Variants in ADAM19 observed in about 807,000 individuals in gnomAD.
ADAM19 encodes the protein disintegrin and metalloproteinase domain-containing protein 19.
A neutral mutation model predicts 114.7 loss-of-function variants in ADAM19; 65 were observed. The observed-to-expected ratio is 0.57, with a 90% CI of 0.46 to 0.70. The LOEUF is 0.70. Among genes scored for constraint, ADAM19 ranks in the 30% least tolerant of loss-of-function variants. ADAM19 has a pLI of 0.00. For missense variants in ADAM19, 1,063 were observed against 1,204.7 expected, an observed-to-expected ratio of 0.88 and a Z score of 1.74; for synonymous variants, 466 against 460.5, an observed-to-expected ratio of 1.01 and a Z score of -0.15.
At chr5:157,522,979 AGGCACTGT>A (rs1482891956) in intron 5 of ADAM19, among the ~76,000 whole-genome samples, 1 of 152,196 alleles carries the variant, frequency 6.6e-6, no homozygotes, top group Non-Finnish European at 1.5e-5. Flanking sequence ...ACTGGATGCC[AGGCACTGT>A]GTTTACAAAT....
At chr5:157,518,916 T>C in intron 6 of ADAM19, 28 bp from the exon 7 acceptor site, 1 of 1,589,586 alleles carries the variant, frequency 6.3e-7, no homozygotes, top group Non-Finnish European at 8.6e-7. Flanking sequence ...ATCAGCGCTG[T>C]AGAAATAGTG....
At chr5:157,532,662 T>C (rs1017273521) in intron 4 of ADAM19, among the ~76,000 whole-genome samples, 3 of 152,114 alleles carry the variant, frequency 2.0e-5, no homozygotes, top group Admixed American at 6.5e-5. Flanking sequence ...CATGGAAGCT[T>C]TCTCTTTTCC....
intron 14 of ADAM19, 82 bp downstream of exon 14, chr5:157,496,812 T>C (rs1755380076): frequency 3.7e-6 from 5 of 1,339,956 alleles, no homozygotes; most frequent in Non-Finnish European, 5.0e-6. Context: ...GAAGCCAAGA[T>C]TCCAAACTAC....
In ADAM19 at chr5:157,502,979, G is replaced by T; in HGVS notation, c.1132C>A (p.His378Asn). 6.2e-7 allele frequency: 1 copy of T among 1,613,456 alleles called. No homozygotes were observed. ...CCATTGAACACTTTGGGAAAGGGGT[G>T]CCTGGCAGAGGACAAGGCTGGAATT... The part of the protein sequence containing the change: ...GGCIMAAATG[H>N]PFPKVFNGCN... The change falls in exon 12 of 23, where the codon CAC becomes AAC. Residue 378 changes from histidine (H) to asparagine (N), a missense_variant and splice_region_variant. By Grantham distance (68) the His-to-Asn change is moderately conservative. Around this residue, in one of 3 missense-constraint regions of ADAM19, gnomAD observed 615 missense variants for 706.3 expected, o/e 0.87. Coordinates refer to ENST00000257527, the MANE Select transcript of ADAM19 (RefSeq NM_033274.5).
At position 157,492,966 on chromosome 5, in the gene ADAM19, G is replaced by A; in HGVS notation, c.1908+7C>T. 3 of 1,614,048 alleles carry A rather than the reference G, an allele frequency of 1.9e-6. No individual in the cohort carries two copies. Among genetic ancestry groups the A allele is most frequent in the African/African-American group, 1.3e-5 (1 of 75,038 alleles). On this transcript the variant is annotated splice_region_variant and intron_variant, in intron 16 of 22. Coordinates refer to ENST00000257527, the MANE Select transcript of ADAM19 (RefSeq NM_033274.5). ...TGGCTCCTAGGTGAGCAGGGGAGGGGACTCACATGGTTGTAGCCACACTTG... is the reference window on the plus strand; with the variant it reads ...TGGCTCCTAGGTGAGCAGGGGAGGGAACTCACATGGTTGTAGCCACACTTG...
Position 157,499,627 on chromosome 5 carries a change from A to G in ADAM19, c.1344T>C (p.Cys448=). The G allele has an allele frequency of 6.2e-7, 1 of 1,613,336 alleles. No individual in the cohort carries two copies. ...CNNPCCNASN[C]TLRPGAECAH... ...CACACTCCGCCCCCGGCCTCAGGGT[A>G]CAATTAGAGGCATTGCAGCAGGGGT... The change falls in exon 13 of 23, where the codon TGT becomes TGC. Residue 448 remains cysteine, a synonymous_variant. Coordinates refer to ENST00000257527, the MANE Select transcript of ADAM19 (RefSeq NM_033274.5).
At chr5:157,503,157 G>A (rs1755622133) in intron 11 of ADAM19, among the ~76,000 whole-genome samples, 177 bp from the exon 12 acceptor site, 1 of 152,144 alleles carries the variant, frequency 6.6e-6, no homozygotes, top group African/African-American at 2.4e-5. Context: ...CATTAATTTA[G>A]AATTTTTTCA....
chr5:157,501,482 T>C (rs1581305285), intron 12 of ADAM19, among the ~76,000 whole-genome samples: 1 of 152,378 alleles, frequency 6.6e-6, no homozygotes, highest in East Asian at 1.9e-4. Context: ...TATGTCATTT[T>C]TGCCACTCAT....
chr5:157,478,949 G>C lies in ADAM19; in HGVS notation c.*2000C>G, dbSNP rs1754671460. 4 of 985,624 alleles carry C rather than the reference G, an allele frequency of 4.1e-6. No homozygotes were observed. Among genetic ancestry groups the C allele is most frequent in the Non-Finnish European group, 4.8e-6 (4 of 829,934 alleles). 61.1% of individuals were successfully genotyped at this position (985,624 alleles called of 1,614,324 possible). On this transcript the variant is annotated 3_prime_UTR_variant, in exon 23 of 23. Coordinates refer to ENST00000257527, the MANE Select transcript of ADAM19 (RefSeq NM_033274.5). Reference sequence around the variant, plus strand: ...GGAGAAGCCACAGGAAGCTCTGTGAGGCATGGGGTTGGGTTTTGAGGATGT... The same window carrying C: ...GGAGAAGCCACAGGAAGCTCTGTGACGCATGGGGTTGGGTTTTGAGGATGT...
rs1390909552 is a variant in ADAM19 at position 157,488,439 on chromosome 5, C to A, written c.2376G>T (p.Arg792=). ...CACCACGCAGATAATCTGGAGGGGG[C>A]CGGGGAGGAGGCTGGGAGGGCTTCC... ...ILRKPSQPPP[R]PPPDYLRGGS... is the part of the protein sequence containing the mutation. Residue 792 remains arginine (R), a synonymous_variant, in exon 21 of 23, where the codon CGG becomes CGT. Coordinates refer to ENST00000257527, the MANE Select transcript of ADAM19 (RefSeq NM_033274.5). 2.5e-6 allele frequency: 4 copies of A among 1,610,816 alleles called. No individual in the cohort carries two copies. The highest frequency in any genetic ancestry group is 3.4e-6 in the Non-Finnish European group (4 of 1,178,018).
At chr5:157,492,015 G>A (rs997229878) in intron 16 of ADAM19, 103 bp from the exon 17 acceptor site, 13 of 1,091,632 alleles carry the variant, frequency 1.2e-5, no homozygotes, top group African/African-American at 4.6e-5. Flanking sequence ...CCCATGGCCC[G>A]GCCTGGTGGC....
intron 4 of ADAM19, among the ~76,000 whole-genome samples, chr5:157,532,222 G>C (rs1756644577): frequency 6.6e-6 from 1 of 152,130 alleles, no homozygotes; most frequent in South Asian, 2.1e-4. Flanking sequence ...CCAGGCCAGG[G>C]GCCAGCCCCT....
rs375647154 is a variant in ADAM19 at position 157,491,932 on chromosome 5, A to G, written c.1909-20T>C. On this transcript the variant is annotated intron_variant, in intron 16 of 22. Transcript: ENST00000257527. ...GCAAATCTGCACGGAGAGAAAACAG[A>G]ACGATCAGTGCAATGGGAGGGATGC... The G allele has an allele frequency of 1.2e-6, 2 of 1,612,848 alleles. No homozygotes were observed. Among genetic ancestry groups the G allele is most frequent in the African/African-American group, 2.7e-5 (2 of 74,894 alleles).
intron 13 of ADAM19, 64 bp downstream of exon 13, chr5:157,499,509 C>T: frequency 2.9e-6 from 4 of 1,403,446 alleles, no homozygotes; most frequent in South Asian, 1.2e-5. Context: ...TCCACCCCAG[C>T]AGAGCAGTCC....
At position 157,503,489 on chromosome 5, in the gene ADAM19, T is replaced by TAA. The variant is rs60755016; in HGVS notation, c.1131-511_1131-510dup. 7.3e-4 allele frequency among the ~76,000 whole-genome samples: 102 copies of TAA among 139,210 alleles called. No individual in the cohort carries two copies. In the East Asian group the frequency reaches 0.012, roughly 16 times the overall value. 91.3% of individuals were successfully genotyped at this position (139,210 alleles called of 152,430 possible). Reference sequence around the variant, plus strand: ...CACATGTATCCTAGAACTTAAAGTATAAAAAAAAAAAAAAGAATTCTTTCA... The same window carrying TAA: ...CACATGTATCCTAGAACTTAAAGTATAAAAAAAAAAAAAAAAGAATTCTTTCA... On this transcript the variant is annotated intron_variant, in intron 11 of 22. Transcript: ENST00000257527.
chr5:157,538,072 A>G, intron 3 of ADAM19, 81 bp from the exon 4 acceptor site: 4 of 1,132,726 alleles, frequency 3.5e-6, no homozygotes, highest in Non-Finnish European at 4.0e-6. Context: ...TTTTAACTGA[A>G]CCAGGCAGGA....
intron 20 of ADAM19, 35 bp downstream of exon 20, chr5:157,489,066 GA>G (rs760233391): frequency 5.7e-6 from 9 of 1,568,602 alleles, no homozygotes; most frequent in African/African-American, 2.7e-5. Context: ...AGGGATAAAG[GA>G]AAAGTAGCAA....
chr5:157,482,335 T>A (rs1754781767), intron 21 of ADAM19, among the ~76,000 whole-genome samples: 2 of 152,242 alleles, frequency 1.3e-5, no homozygotes, highest in South Asian at 4.1e-4. Flanking sequence ...TGCAAAAATC[T>A]TCTCCCATTC....
intron 11 of ADAM19, among the ~76,000 whole-genome samples, chr5:157,503,592 G>A (rs1755638927): frequency 6.6e-6 from 1 of 152,112 alleles, no homozygotes; most frequent in African/African-American, 2.4e-5. Context: ...TTGAGAATCA[G>A]GAGTAGCAAT....
Sources: allele counts gnomAD v4.1 joint callset (sites outside exome capture counted in the v4.1 genomes callset), GRCh38; gene constraint gnomAD v4.1.1; regional missense constraint gnomAD v4.1.1; transcripts MANE v1.5; gene names NCBI Gene and HGNC (gene_info 2026-07-23, HGNC 2026-07-21).